Variants in HEATR3 observed in about 807,000 individuals in gnomAD.
HEATR3 encodes HEAT repeat containing 3, also known as HEAT repeat-containing protein 3.
Under a neutral mutation model 72.8 loss-of-function variants are expected in HEATR3, and 56 were observed. The ratio of observed to expected loss-of-function variants is 0.77; its 90% CI spans 0.62 to 0.96. The LOEUF (loss-of-function observed/expected upper bound fraction) is 0.96. Ranked by LOEUF, HEATR3 falls within the 40% of genes least tolerant of loss-of-function variation. The pLI is 0.00. For synonymous variants in HEATR3, 331 were observed against 318.1 expected, an observed-to-expected ratio of 1.04 and a Z score of -0.43; for missense variants, 747 against 831.4, an observed-to-expected ratio of 0.90 and a Z score of 1.25.
chr16:50,095,126 T>C (rs956513853), intron 12 of HEATR3, among the ~76,000 whole-genome samples: 1 of 151,964 alleles, frequency 6.6e-6, no homozygotes, highest in Non-Finnish European at 1.5e-5. Flanking sequence ...AATCTTTTTT[T>C]TTTTTGAGAC....
chr16:50,080,914 G>A (rs1320969211), intron 7 of HEATR3, among the ~76,000 whole-genome samples: 3 of 152,174 alleles, frequency 2.0e-5, no homozygotes, highest in African/African-American at 7.2e-5. Context: ...CCCTTGCTGG[G>A]AATGAGAGAA....
chr16:50,082,575 C>CTT (rs967382468), intron 7 of HEATR3, among the ~76,000 whole-genome samples: 64 of 139,318 alleles, frequency 4.6e-4, no homozygotes, highest in Non-Finnish European at 7.9e-4. Context: ...TAGCAATTTG[C>CTT]TTTTTTTTTT....
Position 50,104,947 on chromosome 16 carries a change from AGAAG to A in HEATR3, c.1931_1934del (p.Glu644GlyfsTer16). On this transcript the variant is annotated frameshift_variant, in exon 15 of 15. Transcript: ENST00000299192. LOFTEE classifies it high-confidence loss of function. ...TTGTTTTTTGTTTGCAGATACGTAA[AGAAG>A]GGAGAGGTAACTATAGCACAGATCA... The A allele has an allele frequency of 1.3e-6, 2 of 1,583,394 alleles. No homozygotes were observed. Among genetic ancestry groups the A allele is most frequent in the South Asian group, 2.4e-5 (2 of 84,308 alleles).
chr16:50,090,990 C>T (rs1265025906), intron 11 of HEATR3, among the ~76,000 whole-genome samples: 1 of 151,626 alleles, frequency 6.6e-6, no homozygotes, highest in African/African-American at 2.4e-5. Flanking sequence ...ACTAAAAATA[C>T]GAAAATTAGC....
intron 6 of HEATR3, among the ~76,000 whole-genome samples, chr16:50,077,372 G>A (rs572245734): frequency 1.3e-5 from 2 of 151,476 alleles, no homozygotes; most frequent in South Asian, 4.2e-4. Context: ...CTAGGCTGGT[G>A]TCAAACTCCT....
At chr16:50,102,817 C>T (rs1029750534) in intron 14 of HEATR3, among the ~76,000 whole-genome samples, 1 of 152,060 alleles carries the variant, frequency 6.6e-6, no homozygotes, top group Non-Finnish European at 1.5e-5. Context: ...TGCTGGAGTG[C>T]AGTGGTGCGA....
chr16:50,078,255 A>G (rs1289699780), intron 6 of HEATR3, among the ~76,000 whole-genome samples: 1 of 152,068 alleles, frequency 6.6e-6, no homozygotes, highest in African/African-American at 2.4e-5. Flanking sequence ...TTTTTGTAGT[A>G]ACTTAAAAAA....
intron 7 of HEATR3, among the ~76,000 whole-genome samples, 167 bp downstream of exon 7, chr16:50,079,185 C>T (rs537380065): frequency 5.9e-5 from 9 of 152,110 alleles, no homozygotes; most frequent in African/African-American, 1.7e-4. Flanking sequence ...CATTAAAAAT[C>T]TCCTAAAGGG....
chr16:50,067,637 ATGC>A (rs1159604504), intron 2 of HEATR3, among the ~76,000 whole-genome samples: 3 of 152,086 alleles, frequency 2.0e-5, no homozygotes, highest in Non-Finnish European at 2.9e-5. Context: ...GGGAAGTGAC[ATGC>A]TGCAACACAT....
rs765171539 is a variant in HEATR3 at position 50,072,675 on chromosome 16, A to G, written c.583A>G (p.Ser195Gly). 7 of 1,607,974 alleles carry G rather than the reference A, an allele frequency of 4.4e-6. No individual in the cohort carries two copies. The East Asian group carries it at 8.9e-5, about 21-fold the overall frequency. The stretch of plus-strand genomic sequence containing the variant: ...TTTGGAGATTGTGTTAAAGTATTTA[A>G]GTAGGTTTCCTACCAATGTTGACCT... ...GCLEIVLKYL[S>G]RFPTNVDLAI... The change falls in exon 5 of 15, where the codon AGT becomes GGT. Residue 195 changes from serine (S) to glycine (G), a missense_variant. Ser to Gly is a moderately conservative substitution (Grantham distance 56). Coordinates refer to ENST00000299192, the MANE Select transcript of HEATR3 (RefSeq NM_182922.4).
chr16:50,086,787 C>T (rs547820784), intron 11 of HEATR3, among the ~76,000 whole-genome samples: 11 of 151,928 alleles, frequency 7.2e-5, no homozygotes, highest in South Asian at 2.1e-4. Context: ...TTTAACTGGG[C>T]GTGGTGGTGG....
chr16:50,068,090 C>G (rs1156557047), intron 2 of HEATR3, among the ~76,000 whole-genome samples: 3 of 152,116 alleles, frequency 2.0e-5, no homozygotes, highest in African/African-American at 7.2e-5. Context: ...GAGGAAACAG[C>G]ATGTGGAAAG....
intron 11 of HEATR3, among the ~76,000 whole-genome samples, chr16:50,093,332 C>T (rs967234887): frequency 2.0e-5 from 3 of 152,112 alleles, no homozygotes; most frequent in Non-Finnish European, 4.4e-5. Flanking sequence ...TATTATTTCT[C>T]GAAGTTTCCT....
At chr16:50,094,153 G>C (rs944696724) in intron 11 of HEATR3, among the ~76,000 whole-genome samples, 2 of 152,188 alleles carry the variant, frequency 1.3e-5, no homozygotes, top group African/African-American at 4.8e-5. Flanking sequence ...CTGGTGTTCT[G>C]TTTGTCCCGT....
intron 5 of HEATR3, 24 bp downstream of exon 5, chr16:50,072,738 T>C: frequency 7.3e-7 from 1 of 1,368,738 alleles, no homozygotes; most frequent in Non-Finnish European, 1.0e-6. Flanking sequence ...AGGTGATGAC[T>C]TATTAAGAAT....
chr16:50,068,795 T>C lies in HEATR3; in HGVS notation c.327T>C (p.Cys109=), dbSNP rs2036552199. The change falls in exon 3 of 15, where the codon TGT becomes TGC. Residue 109 remains cysteine, a synonymous_variant. Transcript: ENST00000299192. ...AAGALRNLSA[C]GGFEVCDDMV... ...TCTTGTGTAGAAATCTCAGTGCTTG[T>C]GGAGGTTTTGAAGTTTGTGATGACA... The C allele has an allele frequency of 1.2e-6, 2 of 1,613,486 alleles. No homozygotes were observed. The highest frequency in any genetic ancestry group is 1.3e-5 in the African/African-American group (1 of 74,898).
intron 13 of HEATR3, among the ~76,000 whole-genome samples, chr16:50,101,353 C>T (rs2037362080): frequency 6.6e-6 from 1 of 152,016 alleles, no homozygotes; most frequent in African/African-American, 2.4e-5. Context: ...TGGGCTCAAG[C>T]GATCTACCTA....
rs76214876 is a variant in HEATR3 at position 50,099,026 on chromosome 16, G to A, written c.1600-1204G>A. ...TTTTTTAGTTTTTTAATAGAGATGA[G>A]GTCTTGCTATGTTGCCCAGCCTGGT... On this transcript the variant is annotated intron_variant, in intron 12 of 14. Coordinates refer to ENST00000299192, the MANE Select transcript of HEATR3 (RefSeq NM_182922.4). 7.2e-3 allele frequency among the ~76,000 whole-genome samples: 1,096 copies of A among 151,776 alleles called. 19 individuals carry two copies. Among genetic ancestry groups the A allele is most frequent in the African/African-American group, 0.025 (1,045 of 41,356 alleles).
At position 50,066,356 on chromosome 16, in the gene HEATR3, C is replaced by G. The variant is rs1050099349; in HGVS notation, c.139-11C>G. 4 of 1,555,344 alleles carry G rather than the reference C, an allele frequency of 2.6e-6. No homozygotes were observed. The highest frequency in any genetic ancestry group is 2.6e-6 in the Non-Finnish European group (3 of 1,161,284). On this transcript the variant is annotated splice_polypyrimidine_tract_variant and intron_variant, in intron 1 of 14. Transcript: ENST00000299192. ...TGCGCGCCTTCTGACCCTTTTCGCTCTCATCCGCAGCTCCAGCACCCGAGC... is the reference window on the plus strand; with the variant it reads ...TGCGCGCCTTCTGACCCTTTTCGCTGTCATCCGCAGCTCCAGCACCCGAGC...
Sources: gnomAD v4.1 joint callset for allele counts (sites outside exome capture counted in the v4.1 genomes callset) on GRCh38, gnomAD v4.1.1 for gene constraint, MANE v1.5 for transcripts, NCBI Gene and HGNC (gene_info 2026-07-23, HGNC 2026-07-21) for gene names.